The following ATRNL1 variants were observed in gnomAD, a reference collection of about 807,000 sequenced individuals.
The protein encoded by ATRNL1 is attractin-like protein 1.
A neutral mutation model predicts 182.7 loss-of-function variants in ATRNL1; 95 were observed. That is an observed-to-expected ratio of 0.52 (90% CI 0.44 to 0.62). The LOEUF is 0.62. Among genes scored for constraint, ATRNL1 ranks in the 20% least tolerant of loss-of-function variants. ATRNL1 has a pLI of 0.00. For missense variants in ATRNL1, 1,471 were observed against 1,679.5 expected (o/e 0.88, Z 2.17); for synonymous variants, 576 against 568.3 (o/e 1.01, Z -0.19).
intron 9 of ATRNL1, among the ~76,000 whole-genome samples, chr10:115,223,911 G>GTA (rs782032076): frequency 6.5e-4 from 38 of 58,024 alleles, no homozygotes; most frequent in East Asian, 2.0e-3. Flanking sequence ...GTGTGTGTGT[G>GTA]TGTATATATA....
At chr10:115,349,130 G>A (rs1283510521) in intron 19 of ATRNL1, among the ~76,000 whole-genome samples, 2 of 152,082 alleles carry the variant, frequency 1.3e-5, no homozygotes, top group East Asian at 3.9e-4. Context: ...AGTGTTCACA[G>A]CCTCTAGTAA....
intron 26 of ATRNL1, among the ~76,000 whole-genome samples, chr10:115,677,475 AG>A (rs1362311801): frequency 1.3e-5 from 2 of 152,010 alleles, no homozygotes; most frequent in African/African-American, 2.4e-5. Flanking sequence ...GGAGGGACCC[AG>A]GGGGAGGTAA....
chr10:115,587,077 G>T (rs1440310136), intron 26 of ATRNL1, among the ~76,000 whole-genome samples: 1 of 149,516 alleles, frequency 6.7e-6, no homozygotes, highest in Admixed American at 6.7e-5. Flanking sequence ...GGGGTCAGGG[G>T]TCAGGGATTC....
chr10:115,485,738 T>TGAA (rs1183716183), intron 24 of ATRNL1, among the ~76,000 whole-genome samples: 1 of 152,090 alleles, frequency 6.6e-6, no homozygotes, highest in East Asian at 1.9e-4. Flanking sequence ...ACATTACAAA[T>TGAA]GAAGATCTTT....
At chr10:115,699,897 T>G (rs1464305655) in intron 26 of ATRNL1, among the ~76,000 whole-genome samples, 2 of 152,094 alleles carry the variant, frequency 1.3e-5, no homozygotes, top group Admixed American at 6.6e-5. Context: ...TGTCCATGAG[T>G]GCTCAGTGTT....
chr10:115,736,158 G>A (rs1413387809), intron 27 of ATRNL1, among the ~76,000 whole-genome samples: 2 of 152,016 alleles, frequency 1.3e-5, no homozygotes, highest in African/African-American at 2.4e-5. Context: ...GATTAGATGC[G>A]TGTTAAACCT....
At chr10:115,880,677 G>A (rs1175620960) in intron 28 of ATRNL1, among the ~76,000 whole-genome samples, 1 of 152,150 alleles carries the variant, frequency 6.6e-6, no homozygotes, top group Non-Finnish European at 1.5e-5. Flanking sequence ...GAAGGGCCTG[G>A]AAGAATTTGA....
intron 26 of ATRNL1, among the ~76,000 whole-genome samples, chr10:115,578,612 T>A (rs1854872178): frequency 6.6e-6 from 1 of 151,692 alleles, no homozygotes; most frequent in Non-Finnish European, 1.5e-5. Flanking sequence ...TCATATCTAA[T>A]TTTAATGTCA....
chr10:115,468,811 A>G (rs1848176866), intron 23 of ATRNL1, among the ~76,000 whole-genome samples: 1 of 150,704 alleles, frequency 6.6e-6, no homozygotes, highest in Admixed American at 6.6e-5. Flanking sequence ...CTGAGTTCCA[A>G]CTGCTTAGTA....
At chr10:115,377,935 G>T (rs991893771) in intron 19 of ATRNL1, among the ~76,000 whole-genome samples, 18 of 152,146 alleles carry the variant, frequency 1.2e-4, no homozygotes, top group Non-Finnish European at 2.5e-4. Flanking sequence ...TGAGGGTTCA[G>T]AGTTAACAGA....
At chr10:115,119,064 C>T (rs1844612122) in intron 1 of ATRNL1, among the ~76,000 whole-genome samples, 1 of 151,910 alleles carries the variant, frequency 6.6e-6, no homozygotes, top group South Asian at 2.1e-4. Context: ...TATAGTGGTA[C>T]CTGACATGTA....
At chr10:115,661,910 A>AT (rs1860713552) in intron 26 of ATRNL1, among the ~76,000 whole-genome samples, 1 of 132,446 alleles carries the variant, frequency 7.6e-6, no homozygotes, top group Non-Finnish European at 1.6e-5. Flanking sequence ...TCCTAATGCT[A>AT]TCCCTCCCCC....
intron 18 of ATRNL1, among the ~76,000 whole-genome samples, chr10:115,327,982 T>G (rs1029093233): frequency 2.0e-5 from 3 of 152,062 alleles, no homozygotes; most frequent in Non-Finnish European, 4.4e-5. Context: ...ATATACCTAA[T>G]GCTAGATGAC....
At chr10:115,565,364 TCTG>T (rs1261712933) in intron 26 of ATRNL1, among the ~76,000 whole-genome samples, 2 of 152,072 alleles carry the variant, frequency 1.3e-5, no homozygotes, top group Non-Finnish European at 2.9e-5. Context: ...AAAAAAGGCT[TCTG>T]CTACTTTTTC....
At chr10:115,562,837 A>T (rs1350126238) in intron 26 of ATRNL1, among the ~76,000 whole-genome samples, 1 of 152,202 alleles carries the variant, frequency 6.6e-6, no homozygotes, top group African/African-American at 2.4e-5. Context: ...TCTTGCACAA[A>T]TTGGGCTTAA....
intron 27 of ATRNL1, among the ~76,000 whole-genome samples, chr10:115,732,993 G>T (rs1049591281): frequency 4.3e-4 from 65 of 152,076 alleles, no homozygotes; most frequent in African/African-American, 1.5e-3. Context: ...AGAAATCAAA[G>T]TGACTTACTA....
At chr10:115,130,892 C>T (rs151100308) in intron 5 of ATRNL1, among the ~76,000 whole-genome samples, 195 of 152,218 alleles carry the variant, frequency 1.3e-3, no homozygotes, top group African/African-American at 4.4e-3. Flanking sequence ...GTCTTAAAAG[C>T]AAATGAGGAA....
Position 115,417,779 on chromosome 10 carries a change from C to T in ATRNL1, c.3270-8471C>T, listed in dbSNP as rs534251996. 2.0e-5 allele frequency among the ~76,000 whole-genome samples: 3 copies of T among 152,294 alleles called. No individual in the cohort carries two copies. The South Asian group carries it at 6.2e-4, about 32-fold the overall frequency. ...TACCCTCCTTGGATCTTCCCTAGGT[C>T]CATCTGCCCTGCAGAGCCCTGCCAA... On this transcript the variant is annotated intron_variant, in intron 20 of 28. Transcript: ENST00000355044.
chr10:115,735,869 T>C (rs1947935642), intron 27 of ATRNL1, among the ~76,000 whole-genome samples: 1 of 152,192 alleles, frequency 6.6e-6, no homozygotes, highest in East Asian at 1.9e-4. Context: ...ACTGAAACCA[T>C]GGAAAGTGAA....
Sources: allele counts gnomAD v4.1 joint callset (sites outside exome capture counted in the v4.1 genomes callset), GRCh38; gene constraint gnomAD v4.1.1; transcripts MANE v1.5; gene names NCBI Gene and HGNC (gene_info 2026-07-23, HGNC 2026-07-21).